Variants in CALN1 observed in about 807,000 individuals in gnomAD.
CALN1 encodes the protein calcium-binding protein 8.
A neutral mutation model predicts 30.6 loss-of-function variants in CALN1; 17 were observed. That is an observed-to-expected ratio of 0.56 (90% CI 0.38 to 0.83). CALN1 has a LOEUF of 0.83. Among genes scored for constraint, CALN1 ranks in the 40% least tolerant of loss-of-function variants. CALN1 has a pLI of 0.00. For synonymous variants in CALN1, 156 were observed against 131.4 expected (o/e 1.19, Z -1.28); for missense variants, 291 against 354.9 (o/e 0.82, Z 1.45).
chr7:72,430,873 C>T (rs922621591), intron 1 of CALN1, among the ~76,000 whole-genome samples: 4 of 152,122 alleles, frequency 2.6e-5, no homozygotes, highest in Non-Finnish European at 4.4e-5. Flanking sequence ...CAACTGCCCT[C>T]CAAGTTTTTG....
intron 5 of CALN1, among the ~76,000 whole-genome samples, chr7:71,875,468 A>C (rs547386371): frequency 2.6e-4 from 39 of 152,312 alleles, no homozygotes; most frequent in African/African-American, 9.4e-4. Context: ...TTTTGATGGC[A>C]CTGTGTGTGC....
intron 5 of CALN1, among the ~76,000 whole-genome samples, chr7:71,995,115 G>T (rs1443635594): frequency 6.6e-6 from 1 of 152,174 alleles, no homozygotes; most frequent in African/African-American, 2.4e-5. Context: ...GCCTCCCAAA[G>T]TGCTGGGATT....
intron 5 of CALN1, among the ~76,000 whole-genome samples, chr7:71,970,420 G>A (rs556597830): frequency 2.4e-4 from 37 of 152,002 alleles, no homozygotes; most frequent in South Asian, 2.3e-3. Context: ...ATCAACTTAC[G>A]TTATTATATT....
chr7:72,345,361 G>C (rs1297132596), intron 2 of CALN1, among the ~76,000 whole-genome samples: 1 of 59,098 alleles, frequency 1.7e-5, no homozygotes, highest in African/African-American at 4.2e-5. Flanking sequence ...GAAAGAGAAG[G>C]AAGGAAGGAA....
intron 2 of CALN1, among the ~76,000 whole-genome samples, chr7:72,302,039 TAAA>T (rs138340733): frequency 2.1e-5 from 3 of 145,324 alleles, no homozygotes; most frequent in Non-Finnish European, 4.6e-5. Context: ...GAGAGGCTGC[TAAA>T]AAAAAAACAG....
At chr7:72,140,570 C>T (rs140705114) in intron 3 of CALN1, among the ~76,000 whole-genome samples, 32 of 152,352 alleles carry the variant, frequency 2.1e-4, no homozygotes, top group Middle Eastern at 3.4e-3. Context: ...GAAGCCCCCT[C>T]AGGGATTACA....
chr7:72,040,397 A>G lies in CALN1; in HGVS notation c.389-16628T>C, dbSNP rs1023590483. Among the ~76,000 whole-genome samples, 5 of 151,996 alleles carry G rather than the reference A, an allele frequency of 3.3e-5. No individual in the cohort carries two copies. The East Asian group carries it at 7.7e-4, about 23-fold the overall frequency. On this transcript the variant is annotated intron_variant, in intron 4 of 6. Transcript: ENST00000395275. ...CTACTCAGAAGGCTGAGACAGGAAG[A>G]TCGCTTGATCCTGGGAAGTTGTGGC...
At chr7:72,092,353 CAT>C (rs1805923233) in intron 4 of CALN1, among the ~76,000 whole-genome samples, 1 of 151,994 alleles carries the variant, frequency 6.6e-6, no homozygotes, top group South Asian at 2.1e-4. Flanking sequence ...TAGCCTAATA[CAT>C]AGTCATGTTT....
chr7:71,805,681 T>A (rs1787564598), intron 6 of CALN1, among the ~76,000 whole-genome samples: 1 of 152,178 alleles, frequency 6.6e-6, no homozygotes, highest in African/African-American at 2.4e-5. Context: ...ACTTGCTTCC[T>A]CATAGGCGTT....
chr7:72,282,190 G>A (rs1275826926), intron 2 of CALN1, among the ~76,000 whole-genome samples: 2 of 152,114 alleles, frequency 1.3e-5, no homozygotes, highest in Non-Finnish European at 2.9e-5. Context: ...CTTGGCTAAG[G>A]GAAGAGAAAT....
At chr7:71,947,495 C>G (rs1040795120) in intron 5 of CALN1, among the ~76,000 whole-genome samples, 3 of 152,268 alleles carry the variant, frequency 2.0e-5, no homozygotes, top group Admixed American at 6.5e-5. Context: ...TCTAGACACA[C>G]CCTTTTCCTA....
At chr7:72,214,052 C>A (rs567519782) in intron 3 of CALN1, among the ~76,000 whole-genome samples, 9 of 152,190 alleles carry the variant, frequency 5.9e-5, no homozygotes, top group Non-Finnish European at 1.2e-4. Context: ...TCCACCCCAG[C>A]AAGTGCACCA....
At chr7:71,789,132 T>G (rs1412716058) in intron 6 of CALN1, among the ~76,000 whole-genome samples, 1 of 151,968 alleles carries the variant, frequency 6.6e-6, no homozygotes, top group Admixed American at 6.6e-5. Context: ...TGCAGATTCT[T>G]GGCCAGGTTT....
At chr7:72,347,359 C>T (rs1466694061) in intron 2 of CALN1, among the ~76,000 whole-genome samples, 1 of 151,906 alleles carries the variant, frequency 6.6e-6, no homozygotes, top group Admixed American at 6.6e-5. Flanking sequence ...CTCTGCCTCC[C>T]GGGTTCAAGC....
intron 5 of CALN1, among the ~76,000 whole-genome samples, chr7:71,953,310 A>T (rs1010499512): frequency 4.0e-5 from 6 of 151,858 alleles, no homozygotes; most frequent in Non-Finnish European, 7.4e-5. Flanking sequence ...TCTCTCCTCC[A>T]TCCTGTTCTT....
Position 72,357,854 on chromosome 7 carries a change from T to TTA in CALN1, c.119+45395_119+45396dup, listed in dbSNP as rs963392186. ...TTTATATATTTATATATATTTATAT[T>TTA]TATATATATGTGTGTTTTTTTTTAG... On this transcript the variant is annotated intron_variant, in intron 2 of 6. Coordinates refer to ENST00000395275, the MANE Select transcript of CALN1 (RefSeq NM_031468.4). 1.8e-4 allele frequency among the ~76,000 whole-genome samples: 26 copies of TTA among 147,480 alleles called. 2 individuals carry two copies. The highest frequency in any genetic ancestry group is 1.2e-3 in the Admixed American group (18 of 14,780).
chr7:72,130,912 A>C (rs1343543619), intron 3 of CALN1, among the ~76,000 whole-genome samples: 1 of 152,140 alleles, frequency 6.6e-6, no homozygotes, highest in East Asian at 1.9e-4. Flanking sequence ...GAAGAGGCAA[A>C]AATCAGGAAA....
At chr7:71,914,406 G>A (rs1461745976) in intron 5 of CALN1, among the ~76,000 whole-genome samples, 1 of 152,174 alleles carries the variant, frequency 6.6e-6, no homozygotes, top group Non-Finnish European at 1.5e-5. Context: ...TGGCTGCATA[G>A]TATTCCATGG....
intron 5 of CALN1, among the ~76,000 whole-genome samples, chr7:71,853,693 C>T (rs982478483): frequency 6.6e-6 from 1 of 152,162 alleles, no homozygotes; most frequent in African/African-American, 2.4e-5. Flanking sequence ...AATTCTCCTG[C>T]CTCAGCCTCC....
Sources: allele counts gnomAD v4.1 joint callset (sites outside exome capture counted in the v4.1 genomes callset), GRCh38; gene constraint gnomAD v4.1.1; transcripts MANE v1.5; gene names NCBI Gene and HGNC (gene_info 2026-07-23, HGNC 2026-07-21).